The following LINGO2 variants were observed in gnomAD, a reference collection of about 807,000 sequenced individuals.
LINGO2 encodes leucine rich repeat and Ig domain containing 2.
LINGO2 carries 14 observed loss-of-function variants against 30.6 expected under a neutral mutation model. That is an observed-to-expected ratio of 0.46 (90% CI 0.30 to 0.72). The LOEUF (loss-of-function observed/expected upper bound fraction) is 0.72. Among genes scored for constraint, LINGO2 ranks in the 30% least tolerant of loss-of-function variants. The pLI, the probability that LINGO2 is intolerant of heterozygous loss-of-function variation, is 0.07. For missense variants in LINGO2, 729 were observed against 751.7 expected (o/e 0.97, Z 0.35); for synonymous variants, 317 against 288.5 (o/e 1.10, Z -1.00).
At chr9:28,248,920 TTATTA>T (rs1273559382) in intron 4 of LINGO2, among the ~76,000 whole-genome samples, 7 of 151,846 alleles carry the variant, frequency 4.6e-5, no homozygotes, top group African/African-American at 1.7e-4. Flanking sequence ...CAAGAGAGAG[TTATTA>T]TTAATCTAAG....
chr9:28,990,321 C>G, the LINGO2 span, among the ~76,000 whole-genome samples: 1 of 152,196 alleles, frequency 6.6e-6, no homozygotes, highest in East Asian at 1.9e-4. Context: ...CACCATTGCC[C>G]AGATCTGCTT....
At chr9:28,863,267 ATATT>A in the LINGO2 span, among the ~76,000 whole-genome samples, 1 of 152,118 alleles carries the variant, frequency 6.6e-6, no homozygotes, top group African/African-American at 2.4e-5. Context: ...ATAAAATATG[ATATT>A]TAAACTTCAA....
intron 1 of LINGO2, among the ~76,000 whole-genome samples, chr9:28,591,869 T>C (rs1169476713): frequency 6.6e-6 from 1 of 152,060 alleles, no homozygotes; most frequent in Non-Finnish European, 1.5e-5. Flanking sequence ...GTGCCCACAC[T>C]TGGCACAAAG....
chr9:28,658,765 T>A (rs775683829), intron 1 of LINGO2, among the ~76,000 whole-genome samples: 1 of 152,064 alleles, frequency 6.6e-6, no homozygotes, highest in Non-Finnish European at 1.5e-5. Flanking sequence ...TTTGGAGTAA[T>A]CACAGCAATA....
At chr9:28,371,622 T>C (rs1425799436) in intron 3 of LINGO2, among the ~76,000 whole-genome samples, 2 of 152,140 alleles carry the variant, frequency 1.3e-5, no homozygotes, top group Non-Finnish European at 2.9e-5. Flanking sequence ...ATTCAGGCCA[T>C]AGTACCTTGT....
At chr9:29,187,780 A>ATTTTTTTTTTTTTTTTT in the LINGO2 span, among the ~76,000 whole-genome samples, 1 of 118,830 alleles carries the variant, frequency 8.4e-6, no homozygotes, top group Non-Finnish European at 1.7e-5. Flanking sequence ...ATACATTTCA[A>ATTTTTTTTTTTTTTTTT]TTTTTTTTTT....
At chr9:28,645,283 A>ATG (rs1423153238) in intron 1 of LINGO2, among the ~76,000 whole-genome samples, 1 of 152,138 alleles carries the variant, frequency 6.6e-6, no homozygotes, top group East Asian at 1.9e-4. Context: ...CAGAGCCCAC[A>ATG]GCTGTCAACC....
At chr9:28,781,301 A>T in the LINGO2 span, among the ~76,000 whole-genome samples, 1 of 152,100 alleles carries the variant, frequency 6.6e-6, no homozygotes, top group African/African-American at 2.4e-5. Context: ...CTTTAGAAGA[A>T]ATTTCTAGAT....
At chr9:28,754,906 C>G in the LINGO2 span, among the ~76,000 whole-genome samples, 4 of 151,992 alleles carry the variant, frequency 2.6e-5, no homozygotes, top group African/African-American at 9.7e-5. Flanking sequence ...CCTGGGATTA[C>G]AGGCATAAGC....
chr9:28,777,093 G>A, the LINGO2 span, among the ~76,000 whole-genome samples: 5 of 151,862 alleles, frequency 3.3e-5, no homozygotes, highest in East Asian at 1.9e-4. Context: ...CTCCCCTTCC[G>A]CCATGATTGT....
At chr9:28,638,796 G>C (rs1313355557) in intron 1 of LINGO2, among the ~76,000 whole-genome samples, 4 of 152,030 alleles carry the variant, frequency 2.6e-5, no homozygotes, top group African/African-American at 9.7e-5. Context: ...ATTTTTTGAA[G>C]GGTTTTTTGT....
chr9:28,120,540 T>C (rs1827065151), intron 4 of LINGO2, among the ~76,000 whole-genome samples: 1 of 152,216 alleles, frequency 6.6e-6, no homozygotes, highest in South Asian at 2.1e-4. Flanking sequence ...AGGGTCCTTT[T>C]CTGGGACCCA....
chr9:29,043,692 A>G, the LINGO2 span, among the ~76,000 whole-genome samples: 1 of 152,074 alleles, frequency 6.6e-6, no homozygotes, highest in African/African-American at 2.4e-5. Flanking sequence ...TGTAAGAATG[A>G]AAACAAATAA....
In LINGO2 at chr9:28,029,880, G is replaced by A. The variant is rs1416707472; in HGVS notation, c.-86-17475C>T. Among the ~76,000 whole-genome samples, 5 of 152,118 alleles carry A rather than the reference G, an allele frequency of 3.3e-5. No homozygotes were observed. In the East Asian group the frequency reaches 9.6e-4, roughly 29 times the overall value. ...GAAAGCATTTGTTGGTTGGATCAAG[G>A]TTATAGGTCAGAAAGGCACAATAAT... On this transcript the variant is annotated intron_variant, in intron 4 of 5. Coordinates refer to ENST00000379992, the Ensembl canonical transcript of LINGO2.
the LINGO2 span, among the ~76,000 whole-genome samples, chr9:28,894,221 T>G: frequency 1.3e-5 from 2 of 152,266 alleles, no homozygotes; most frequent in Non-Finnish European, 2.9e-5. Context: ...TACGTGTGCA[T>G]GTGTCTTTAT....
chr9:28,086,303 A>C (rs534429587), intron 4 of LINGO2, among the ~76,000 whole-genome samples: 1 of 152,138 alleles, frequency 6.6e-6, no homozygotes, highest in Non-Finnish European at 1.5e-5. Context: ...TTCAGATTTA[A>C]AAAATGATAC....
chr9:28,165,011 T>G (rs541639377), intron 4 of LINGO2, among the ~76,000 whole-genome samples: 1 of 152,246 alleles, frequency 6.6e-6, no homozygotes, highest in Non-Finnish European at 1.5e-5. Flanking sequence ...ACTTGAACTC[T>G]GATGCAGTGA....
At chr9:28,066,525 TAGG>T (rs1354979155) in intron 4 of LINGO2, among the ~76,000 whole-genome samples, 1 of 152,094 alleles carries the variant, frequency 6.6e-6, no homozygotes, top group African/African-American at 2.4e-5. Context: ...AAACCTTAGC[TAGG>T]AGAATAGGAA....
chr9:28,036,567 C>T (rs997862405), intron 4 of LINGO2, among the ~76,000 whole-genome samples: 2 of 152,026 alleles, frequency 1.3e-5, no homozygotes, highest in African/African-American at 4.8e-5. Context: ...ATATGGTTTC[C>T]ATCAGAAAAG....
Sources: gnomAD v4.1 joint callset for allele counts (sites outside exome capture counted in the v4.1 genomes callset) on GRCh38, gnomAD v4.1.1 for gene constraint, MANE v1.5 for transcripts, NCBI Gene and HGNC (gene_info 2026-07-23, HGNC 2026-07-21) for gene names.